MORC3: variants seen among roughly 807,000 people sequenced by gnomAD.
The protein encoded by MORC3 is MORC family CW-type zinc finger protein 3.
A neutral mutation model predicts 109.1 loss-of-function variants in MORC3; 31 were observed. The ratio of observed to expected loss-of-function variants is 0.28; its 90% CI spans 0.21 to 0.38. The LOEUF (loss-of-function observed/expected upper bound fraction) is 0.38. Ranked by LOEUF, MORC3 falls within the 10% of genes least tolerant of loss-of-function variation. MORC3 has a pLI of 1.00. For synonymous variants in MORC3, 395 were observed against 380.7 expected (o/e 1.04, Z -0.44); for missense variants, 867 against 1,135.8 (o/e 0.76, Z 3.40).
intron 2 of MORC3, among the ~76,000 whole-genome samples, chr21:36,334,668 TAGG>T (rs2085355169): frequency 6.6e-6 from 1 of 152,182 alleles, no homozygotes; most frequent in Non-Finnish European, 1.5e-5. Flanking sequence ...CTGGTATCAA[TAGG>T]AGGATTGGTA....
At chr21:36,339,073 G>T in intron 5 of MORC3, 152 bp downstream of exon 5, 1 of 860,988 alleles carries the variant, frequency 1.2e-6, no homozygotes, top group Non-Finnish European at 1.7e-6. Context: ...CCCAGGATAT[G>T]TTATAGAGGC....
chr21:36,364,646 CA>C (rs112303932), intron 14 of MORC3, among the ~76,000 whole-genome samples: 71 of 137,986 alleles, frequency 5.1e-4, no homozygotes, highest in African/African-American at 6.9e-4. Context: ...AACTCCGTCT[CA>C]AAAAAAAAAA....
rs968508873 is a variant in MORC3 at position 36,355,135 on chromosome 21, G to A, written c.1104-1485G>A. ...CTCTGTCAGAATTGTCTTCCACAGC[G>A]TTAACAATCTTTTCCGTAGATTTGC... is the stretch of plus-strand genomic sequence containing the variant. On this transcript the variant is annotated intron_variant, in intron 9 of 16. Coordinates refer to ENST00000400485, the MANE Select transcript of MORC3 (RefSeq NM_015358.3). Among the ~76,000 whole-genome samples, 7 of 152,102 alleles carry A rather than the reference G, an allele frequency of 4.6e-5. No individual in the cohort carries two copies. The East Asian group carries it at 5.8e-4, about 13-fold the overall frequency.
rs769850955 is a variant in MORC3, at chr21:36,364,295, A to G, written c.1619+36A>G. 16 of 1,594,904 alleles carry G rather than the reference A, an allele frequency of 1.0e-5. No homozygotes were observed. The East Asian group carries it at 2.9e-4, about 29-fold the overall frequency. On this transcript the variant is annotated intron_variant, in intron 14 of 16. Coordinates refer to ENST00000400485, the MANE Select transcript of MORC3 (RefSeq NM_015358.3). ...AAGATTGGTTTTCCATTTGGGGAAT[A>G]TTAAACAGAGCTTTTACTTGACACT...
intron 9 of MORC3, among the ~76,000 whole-genome samples, chr21:36,351,063 T>G (rs1344558581): frequency 5.5e-5 from 7 of 126,840 alleles, no homozygotes; most frequent in Non-Finnish European, 1.0e-4. Flanking sequence ...CCTCCTTTTT[T>G]TTTTTTTTTT....
Position 36,333,665 on chromosome 21 carries a change from A to G in MORC3, c.59A>G (p.His20Arg). ...TTTCAGCTTTGCCCGAAGTTTTTAC[A>G]TACAAATTCTACTAGTCACACCTGG... is the stretch of plus-strand genomic sequence containing the variant. ...RLSALCPKFL[H>R]TNSTSHTWPF... Residue 20 changes from histidine to arginine, a missense_variant, in exon 2 of 17, where the codon CAT (histidine) becomes CGT (arginine). Coordinates refer to ENST00000400485, the MANE Select transcript of MORC3 (RefSeq NM_015358.3). 6.2e-7 allele frequency: 1 copy of G among 1,613,350 alleles called. No individual in the cohort carries two copies. The highest frequency in any genetic ancestry group is 8.5e-7 in the Non-Finnish European group (1 of 1,179,660).
chr21:36,326,319 T>C (rs1395932875), intron 1 of MORC3, among the ~76,000 whole-genome samples: 1 of 151,624 alleles, frequency 6.6e-6, no homozygotes, highest in Non-Finnish European at 1.5e-5. Flanking sequence ...AGATCAGGAG[T>C]TTGAGACCAG....
intron 8 of MORC3, chr21:36,348,298 A>G (rs769540836): frequency 1.3e-5 from 2 of 152,260 alleles, no homozygotes; most frequent in Non-Finnish European, 2.9e-5. Context: ...AACGTATGGA[A>G]TATTGCCTTT....
At chr21:36,345,195 A>G (rs1467888727) in intron 8 of MORC3, among the ~76,000 whole-genome samples, 164 bp downstream of exon 8, 1 of 150,906 alleles carries the variant, frequency 6.6e-6, no homozygotes, top group African/African-American at 2.4e-5. Context: ...AACTTTTATT[A>G]ACTCCCCTCC....
chr21:36,370,240 C>T (rs2085840028), intron 15 of MORC3, among the ~76,000 whole-genome samples: 1 of 152,228 alleles, frequency 6.6e-6, no homozygotes, highest in South Asian at 2.1e-4. Context: ...GATTGGAATG[C>T]TTTCACTTAA....
intron 12 of MORC3, 46 bp downstream of exon 12, chr21:36,360,304 G>A (rs771426976): frequency 6.6e-7 from 1 of 1,523,904 alleles, no homozygotes; most frequent in Non-Finnish European, 9.1e-7. Flanking sequence ...CCCAGATCAT[G>A]AACAGTGATG....
intron 1 of MORC3, among the ~76,000 whole-genome samples, chr21:36,331,916 G>C (rs2085320025): frequency 6.6e-6 from 1 of 151,640 alleles, no homozygotes. Flanking sequence ...AATGTGGGAG[G>C]ATCACTTGAG....
chr21:36,366,353 CA>C (rs139340901), intron 14 of MORC3, among the ~76,000 whole-genome samples: 1,661 of 152,174 alleles, frequency 0.011, 32 homozygotes, highest in African/African-American at 0.038. Flanking sequence ...CATGTTGTTG[CA>C]AAGGACATTA....
At chr21:36,361,983 C>A in intron 12 of MORC3, 200 bp from the exon 13 acceptor site, 1 of 628,976 alleles carries the variant, frequency 1.6e-6, no homozygotes, top group Non-Finnish European at 2.8e-6. Flanking sequence ...CAGTTTATAC[C>A]GGTGAGGATG....
chr21:36,348,807 A>G (rs1164513428), intron 8 of MORC3, among the ~76,000 whole-genome samples: 1 of 152,196 alleles, frequency 6.6e-6, no homozygotes. Context: ...GCTCTAGTGT[A>G]TTTAGAAATT....
intron 13 of MORC3, among the ~76,000 whole-genome samples, chr21:36,363,053 T>C (rs937932425): frequency 6.6e-6 from 1 of 152,098 alleles, no homozygotes; most frequent in Non-Finnish European, 1.5e-5. Context: ...ATACTTACTG[T>C]GTTAAAGAGC....
intron 3 of MORC3, among the ~76,000 whole-genome samples, chr21:36,337,449 T>G (rs938922425): frequency 1.3e-5 from 2 of 152,120 alleles, no homozygotes; most frequent in African/African-American, 4.8e-5. Flanking sequence ...CTTGTGATCC[T>G]TTTTCTCCCC....
intron 9 of MORC3, among the ~76,000 whole-genome samples, chr21:36,356,276 T>C (rs140109826): frequency 0.027 from 4,059 of 152,314 alleles, 103 homozygotes; most frequent in South Asian, 0.057. Context: ...GTATATTTTA[T>C]GGTAGTAAAT....
intron 13 of MORC3, among the ~76,000 whole-genome samples, chr21:36,363,635 T>C (rs2085744984): frequency 6.6e-6 from 1 of 152,208 alleles, no homozygotes; most frequent in Non-Finnish European, 1.5e-5. Flanking sequence ...AAATGATTGC[T>C]TGAGTACTCG....
Sources: gnomAD v4.1 joint callset for allele counts (sites outside exome capture counted in the v4.1 genomes callset) on GRCh38, gnomAD v4.1.1 for gene constraint, MANE v1.5 for transcripts, NCBI Gene and HGNC (gene_info 2026-07-23, HGNC 2026-07-21) for gene names.